CALN1: variants seen among roughly 807,000 people sequenced by gnomAD.
The protein encoded by CALN1 is calcium-binding protein 8.
Under a neutral mutation model 30.6 loss-of-function variants are expected in CALN1, and 17 were observed. That is an observed-to-expected ratio of 0.56 (90% CI 0.38 to 0.83). CALN1 has a LOEUF of 0.83. CALN1 is among the 40% of genes least tolerant of loss of function. CALN1 has a pLI of 0.00. For synonymous variants in CALN1, 156 were observed against 131.4 expected (o/e 1.19, Z -1.28); for missense variants, 291 against 354.9 (o/e 0.82, Z 1.45).
chr7:72,212,153 C>G (rs531780461), intron 3 of CALN1, among the ~76,000 whole-genome samples: 2 of 152,078 alleles, frequency 1.3e-5, no homozygotes, highest in Admixed American at 1.3e-4. Context: ...GAGATGGAGA[C>G]CATCCTGGCT....
chr7:72,296,515 TATTG>T (rs1200444017), intron 2 of CALN1, among the ~76,000 whole-genome samples: 1 of 151,496 alleles, frequency 6.6e-6, no homozygotes, highest in African/African-American at 2.4e-5. Context: ...GTTGGTAAAC[TATTG>T]ATTATTGCCA....
chr7:72,248,600 T>TA (rs1171432065), intron 3 of CALN1, among the ~76,000 whole-genome samples: 2 of 152,164 alleles, frequency 1.3e-5, no homozygotes, highest in Non-Finnish European at 2.9e-5. Context: ...TAAGGACACT[T>TA]ATCATTACAT....
At chr7:72,313,632 A>G (rs965783036) in intron 2 of CALN1, among the ~76,000 whole-genome samples, 1 of 152,042 alleles carries the variant, frequency 6.6e-6, no homozygotes, top group Non-Finnish European at 1.5e-5. Context: ...TCCTGGCTCA[A>G]GCAATCCTCC....
At chr7:72,313,443 G>C (rs2944832) in intron 2 of CALN1, among the ~76,000 whole-genome samples, 11 of 152,172 alleles carry the variant, frequency 7.2e-5, no homozygotes, top group South Asian at 2.1e-4. Flanking sequence ...CCAGGCTGAA[G>C]TGGAGTGATA....
At chr7:72,110,107 T>A (rs1263186298) in intron 3 of CALN1, among the ~76,000 whole-genome samples, 1 of 152,132 alleles carries the variant, frequency 6.6e-6, no homozygotes, top group East Asian at 1.9e-4. Flanking sequence ...ACTCTCTGGG[T>A]TACTGATATG....
intron 2 of CALN1, among the ~76,000 whole-genome samples, chr7:72,334,593 A>C (rs571289440): frequency 6.6e-6 from 1 of 152,230 alleles, no homozygotes; most frequent in South Asian, 2.1e-4. Flanking sequence ...TTCTCAACAG[A>C]AGCAGCTGAA....
intron 2 of CALN1, among the ~76,000 whole-genome samples, chr7:72,345,577 G>A (rs1366132366): frequency 6.6e-6 from 1 of 150,542 alleles, no homozygotes; most frequent in Non-Finnish European, 1.5e-5. Context: ...GGGAGGGAAG[G>A]GAAGGAAAGG....
intron 3 of CALN1, among the ~76,000 whole-genome samples, chr7:72,156,455 G>A (rs912922429): frequency 3.3e-5 from 5 of 152,050 alleles, no homozygotes; most frequent in African/African-American, 7.2e-5. Context: ...GTAGGCAGTC[G>A]GGCCCACAAC....
chr7:72,411,218 T>C (rs937395197), intron 1 of CALN1, among the ~76,000 whole-genome samples: 2 of 152,078 alleles, frequency 1.3e-5, no homozygotes, highest in African/African-American at 4.8e-5. Context: ...AACTGAAACA[T>C]GCAAACACAA....
Position 72,302,039 on chromosome 7 carries a change from T to TA in CALN1, c.120-23230dup, listed in dbSNP as rs138340733. On this transcript the variant is annotated intron_variant, in intron 2 of 6. Transcript: ENST00000395275. ...GCTTCAGGGAGAGCTGAGAGGCTGCTAAAAAAAAAACAGTCTGAGATGAGG... is the reference window on the plus strand; with the variant it reads ...GCTTCAGGGAGAGCTGAGAGGCTGCTAAAAAAAAAAACAGTCTGAGATGAGG... Among the ~76,000 whole-genome samples the TA allele has an allele frequency of 3.9e-3, 560 of 145,312 alleles. 8 individuals are homozygous for TA. The highest frequency in any genetic ancestry group is 0.024 in the East Asian group (120 of 5,010).
intron 5 of CALN1, among the ~76,000 whole-genome samples, chr7:71,912,615 C>T (rs943401721): frequency 6.6e-6 from 1 of 152,132 alleles, no homozygotes; most frequent in Middle Eastern, 3.2e-3. Flanking sequence ...AGGACTCACC[C>T]AGTAGATATA....
intron 5 of CALN1, among the ~76,000 whole-genome samples, chr7:71,982,160 A>G (rs1450524502): frequency 6.6e-6 from 1 of 152,200 alleles, no homozygotes; most frequent in Non-Finnish European, 1.5e-5. Context: ...TGGTCAGCCA[A>G]TGTGAAGCCC....
upstream of CALN1, among the ~76,000 whole-genome samples, chr7:72,412,706 C>T (rs1029127665): frequency 6.6e-6 from 1 of 152,190 alleles, no homozygotes; most frequent in Non-Finnish European, 1.5e-5. Context: ...GAAAAACAAA[C>T]TGGAACAATA....
At chr7:72,463,777 T>C in the CALN1 span, among the ~76,000 whole-genome samples, 2 of 151,794 alleles carry the variant, frequency 1.3e-5, no homozygotes, top group South Asian at 4.2e-4. Context: ...CCCAGTCTGG[T>C]CTCAAAATCC....
At chr7:72,025,081 T>A (rs1800968613) in intron 4 of CALN1, among the ~76,000 whole-genome samples, 1 of 151,834 alleles carries the variant, frequency 6.6e-6, no homozygotes, top group South Asian at 2.1e-4. Context: ...AAGGCCGAGG[T>A]GGGTGGATGA....
rs148284339 is a variant in CALN1 at position 72,086,134 on chromosome 7, T to C, written c.388+20017A>G. Among the ~76,000 whole-genome samples the C allele has an allele frequency of 2.0e-3, 305 of 152,206 alleles. 6 individuals carry two copies. The highest frequency in any genetic ancestry group is 6.5e-3 in the African/African-American group (271 of 41,540). On this transcript the variant is annotated intron_variant, in intron 4 of 6. Coordinates refer to ENST00000395275, the MANE Select transcript of CALN1 (RefSeq NM_031468.4). ...TAATACATATGAAATCCAAAAGAAA[T>C]CAGTGATTTCTGAAATGAATAGATC... is the stretch of plus-strand genomic sequence containing the variant.
At chr7:72,467,806 A>G in the CALN1 span, among the ~76,000 whole-genome samples, 1 of 152,108 alleles carries the variant, frequency 6.6e-6, no homozygotes, top group African/African-American at 2.4e-5. Context: ...TAGTACATCC[A>G]CCTCTACCTG....
chr7:71,950,418 T>C (rs577437763), intron 5 of CALN1, among the ~76,000 whole-genome samples: 9 of 152,222 alleles, frequency 5.9e-5, no homozygotes, highest in African/African-American at 2.2e-4. Flanking sequence ...TATTGCAGAG[T>C]ACTTGCCAAA....
chr7:72,185,034 G>T (rs1370348909), intron 3 of CALN1, among the ~76,000 whole-genome samples: 1 of 151,626 alleles, frequency 6.6e-6, no homozygotes, highest in African/African-American at 2.4e-5. Flanking sequence ...CAAATTCCTG[G>T]GCTCAAGCGA....
Sources: allele counts gnomAD v4.1 joint callset (sites outside exome capture counted in the v4.1 genomes callset), GRCh38; gene constraint gnomAD v4.1.1; transcripts MANE v1.5; gene names NCBI Gene and HGNC (gene_info 2026-07-23, HGNC 2026-07-21).